Variants in ZNF766 observed in about 807,000 individuals in gnomAD.
The protein encoded by ZNF766 is zinc finger protein 766.
A neutral mutation model predicts 13.2 loss-of-function variants in ZNF766; 13 were observed. The observed-to-expected ratio is 0.98, with a 90% CI of 0.64 to 1.56. ZNF766 has a LOEUF of 1.56. Among genes scored for constraint, ZNF766 ranks in the 40% most tolerant of loss-of-function variants. The probability of loss-of-function intolerance (pLI) is 0.00; values close to 1 mark genes in which losing one functional copy is unlikely to be tolerated. For synonymous variants in ZNF766, 178 were observed against 187.6 expected (o/e 0.95, Z 0.42); for missense variants, 521 against 552.2 (o/e 0.94, Z 0.57).
Position 52,292,251 on chromosome 19 carries a change from C to T in ZNF766, c.*1053C>T. ...TTTCCTGGAGGAATAAGGACACTGC[C>T]TTTTCAGATTAAAGATTGTCTGATT... On this transcript the variant is annotated 3_prime_UTR_variant, in exon 4 of 4. Coordinates refer to ENST00000439461, the MANE Select transcript of ZNF766 (RefSeq NM_001010851.3). 5 of 692,370 alleles carry T rather than the reference C, an allele frequency of 7.2e-6. No individual in the cohort carries two copies. In the South Asian group the frequency reaches 7.6e-5, roughly 11 times the overall value. The allele number at this position is 692,370 out of a possible 1,614,324, so 42.9% of individuals were successfully genotyped here.
At position 52,290,636 on chromosome 19, in the gene ZNF766, G is replaced by A. The variant is rs766094251; in HGVS notation, c.845G>A (p.Arg282Gln). Residue 282 changes from arginine (R) to glutamine (Q), a missense_variant, in exon 4 of 4, where the codon CGA (arginine) becomes CAA (glutamine). Arg to Gln is a conservative substitution (Grantham distance 43). Transcript: ENST00000439461. ...KCNECGKVFS[R>Q]ITYLVRHQKI... ...AATGAGTGTGGCAAGGTCTTCAGTC[G>A]AATTACATACCTTGTACGACATCAG... 16 of 1,613,404 alleles carry A rather than the reference G, an allele frequency of 9.9e-6. No individual in the cohort carries two copies. The highest frequency in any genetic ancestry group is 2.7e-5 in the African/African-American group (2 of 74,874).
In ZNF766 at chr19:52,292,865, T is replaced by C. The variant is rs930701627; in HGVS notation, c.*1667T>C. On this transcript the variant is annotated 3_prime_UTR_variant, in exon 4 of 4. Transcript: ENST00000439461. ...AGTTCTAGTGTACATGTCCACAACATGCAGGTTTGTTACATAGGTATACAT... is the reference window on the plus strand; with the variant it reads ...AGTTCTAGTGTACATGTCCACAACACGCAGGTTTGTTACATAGGTATACAT... 4 of 152,210 alleles carry C rather than the reference T, an allele frequency of 2.6e-5. No individual in the cohort carries two copies. Among genetic ancestry groups the C allele is most frequent in the Non-Finnish European group, 5.9e-5 (4 of 68,044 alleles). 9.4% of individuals were successfully genotyped at this position (152,210 alleles called of 1,614,324 possible).
Position 52,292,306 on chromosome 19 carries a change from C to CA in ZNF766, c.*1112dup. 1.6e-6 allele frequency: 1 copy of CA among 644,852 alleles called. No individual in the cohort carries two copies. Among genetic ancestry groups the CA allele is most frequent in the Non-Finnish European group, 2.8e-6 (1 of 359,524 alleles). 39.9% of individuals were successfully genotyped at this position (644,852 alleles called of 1,614,324 possible). A position where few individuals can be genotyped will look rare whatever the true frequency, so the allele number is the denominator to read the frequency against. Reference sequence around the variant, plus strand: ...GACCATGGAGGTGGACAGAGAATAACAAAACCGTGATGGCAGTCATCATGC... The same window carrying CA: ...GACCATGGAGGTGGACAGAGAATAACAAAAACCGTGATGGCAGTCATCATGC... On this transcript the variant is annotated 3_prime_UTR_variant, in exon 4 of 4. Coordinates refer to ENST00000439461, the MANE Select transcript of ZNF766 (RefSeq NM_001010851.3).
At chr19:52,288,545 T>C (rs553553250) in intron 3 of ZNF766, among the ~76,000 whole-genome samples, 1 of 151,896 alleles carries the variant, frequency 6.6e-6, no homozygotes, top group African/African-American at 2.4e-5. Flanking sequence ...TTAAAACTAA[T>C]TTATTTTATT....
rs530669470 is a variant in ZNF766, at chr19:52,294,240, ATGT to A, written c.*3044_*3046del. The A allele has an allele frequency of 7.6e-4, 115 of 152,306 alleles. No individual in the cohort carries two copies. Among genetic ancestry groups the A allele is most frequent in the African/African-American group, 2.6e-3 (110 of 41,572 alleles). The allele number at this position is 152,306 out of a possible 1,614,324, so 9.4% of individuals were successfully genotyped here. A position where few individuals can be genotyped will look rare whatever the true frequency, so the allele number is the denominator to read the frequency against. On this transcript the variant is annotated 3_prime_UTR_variant, in exon 4 of 4. Transcript: ENST00000439461. The stretch of plus-strand genomic sequence containing the variant: ...TTTGAAAAAATATTAATGTTCAGAA[ATGT>A]TCTCTTGAGGATGAACACACAGATT...
intron 1 of ZNF766, chr19:52,281,797 A>G (rs913766884): frequency 1.9e-6 from 1 of 518,386 alleles, no homozygotes; most frequent in African/African-American, 1.9e-5. Flanking sequence ...TGTTCGACAC[A>G]CCAAGTGATA....
intron 1 of ZNF766, among the ~76,000 whole-genome samples, chr19:52,279,952 C>T (rs745349510): frequency 5.9e-5 from 9 of 151,634 alleles, no homozygotes; most frequent in African/African-American, 1.7e-4. Flanking sequence ...CCCGCCACCA[C>T]GCCTAGCTAA....
intron 1 of ZNF766, among the ~76,000 whole-genome samples, chr19:52,271,386 C>T (rs916241375): frequency 1.3e-5 from 2 of 151,970 alleles, no homozygotes; most frequent in South Asian, 2.1e-4. Flanking sequence ...GGTCAGTATG[C>T]GGAAAAACAC....
At chr19:52,276,494 TTTTTG>T (rs199834770) in intron 1 of ZNF766, among the ~76,000 whole-genome samples, 13 of 152,142 alleles carry the variant, frequency 8.5e-5, no homozygotes, top group East Asian at 3.8e-4. Context: ...ATAGTCTTCT[TTTTTG>T]TTTTGTTTTG....
At position 52,290,599 on chromosome 19, in the gene ZNF766, C is replaced by T; in HGVS notation, c.808C>T (p.Pro270Ser). 1.2e-6 allele frequency: 2 copies of T among 1,614,050 alleles called. No homozygotes were observed. The highest frequency in any genetic ancestry group is 1.1e-5 in the South Asian group (1 of 91,068). The change falls in exon 4 of 4, where the codon CCT becomes TCT. Residue 270 changes from proline (P) to serine (S), a missense_variant. Pro to Ser is a moderately conservative substitution (Grantham distance 74, BLOSUM62 -1). Coordinates refer to ENST00000439461, the MANE Select transcript of ZNF766 (RefSeq NM_001010851.3). ...RHEKVHTGES[P>S]YKCNECGKVF... Reference sequence around the variant, plus strand: ...CGAGAAAGTGCATACTGGAGAGAGTCCTTACAAATGTAATGAGTGTGGCAA... The same window carrying T: ...CGAGAAAGTGCATACTGGAGAGAGTTCTTACAAATGTAATGAGTGTGGCAA...
chr19:52,269,623 C>T lies in ZNF766; in HGVS notation c.10C>T (p.Leu4=), dbSNP rs758862079. Residue 4 remains leucine (L), a synonymous_variant, in exon 1 of 4, where the codon CTG becomes TTG. Transcript: ENST00000439461. MAQ[L]RRGHLTFRDV... ...TGGATGGCGTGGAGATATGGCGCAACTGCGGCGCGTGAGTTTTCCTTTGTT... is the reference window on the plus strand; with the variant it reads ...TGGATGGCGTGGAGATATGGCGCAATTGCGGCGCGTGAGTTTTCCTTTGTT... 4 of 1,612,996 alleles carry T rather than the reference C, an allele frequency of 2.5e-6. No individual in the cohort carries two copies. The South Asian group carries it at 4.4e-5, about 18-fold the overall frequency.
intron 1 of ZNF766, among the ~76,000 whole-genome samples, chr19:52,279,003 T>C (rs1300118309): frequency 2.6e-5 from 4 of 152,194 alleles, no homozygotes; most frequent in Non-Finnish European, 5.9e-5. Flanking sequence ...TTTTTATAGT[T>C]TGGGGTTTTA....
Position 52,290,922 on chromosome 19 carries a change from T to C in ZNF766, c.1131T>C (p.His377=), listed in dbSNP as rs748375044. ...CCCTGACAGTTCATCAGAGAAATCATAATGGAGAGAAACCTTATAAATGTC... is the reference window on the plus strand; with the variant it reads ...CCCTGACAGTTCATCAGAGAAATCACAATGGAGAGAAACCTTATAAATGTC... ...KFSLTVHQRN[H]NGEKPYKCHE... Residue 377 remains histidine (H), a synonymous_variant, in exon 4 of 4, where the codon CAT becomes CAC. Coordinates refer to ENST00000439461, the MANE Select transcript of ZNF766 (RefSeq NM_001010851.3). The C allele has an allele frequency of 3.1e-6, 5 of 1,614,046 alleles. No individual in the cohort carries two copies. In the Admixed American group the frequency reaches 5.0e-5, roughly 16 times the overall value.
In ZNF766 at chr19:52,294,641, C is replaced by T. The variant is rs1208088492; in HGVS notation, c.*3443C>T. On this transcript the variant is annotated 3_prime_UTR_variant, in exon 4 of 4. Transcript: ENST00000439461. ...GGGCACTGAGGATTTTTCAGTTGAC[C>T]AGATGGGCAGAATAGGAAGAGGGAG... 6.6e-6 allele frequency: 1 copy of T among 152,102 alleles called. No individual in the cohort carries two copies. Among genetic ancestry groups the T allele is most frequent in the Non-Finnish European group, 1.5e-5 (1 of 68,052 alleles). 9.4% of individuals were successfully genotyped at this position (152,102 alleles called of 1,614,324 possible).
At position 52,290,056 on chromosome 19, in the gene ZNF766, G is replaced by T. The variant is rs1982042741; in HGVS notation, c.275-10G>T. 2.5e-6 allele frequency: 4 copies of T among 1,583,512 alleles called. No individual in the cohort carries two copies. The highest frequency in any genetic ancestry group is 3.4e-6 in the Non-Finnish European group (4 of 1,166,432). ...TGGGTTCAAATTATACTCTTTACTT[G>T]CTTTCCTAGGGAGGAGCTGTGCAGT... On this transcript the variant is annotated splice_polypyrimidine_tract_variant and intron_variant, in intron 3 of 3. Coordinates refer to ENST00000439461, the MANE Select transcript of ZNF766 (RefSeq NM_001010851.3).
intron 1 of ZNF766, among the ~76,000 whole-genome samples, chr19:52,270,104 A>G (rs1303638230): frequency 6.6e-6 from 1 of 152,090 alleles, no homozygotes; most frequent in East Asian, 1.9e-4. Context: ...GCCTTTTCGC[A>G]GTCACGGCTT....
chr19:52,269,719 G>T (rs1370576705), intron 1 of ZNF766, 88 bp downstream of exon 1: 32 of 1,517,474 alleles, frequency 2.1e-5, no homozygotes, highest in East Asian at 1.4e-4. Context: ...TACAGACCTT[G>T]AAATCCCCGC....
intron 3 of ZNF766, among the ~76,000 whole-genome samples, chr19:52,287,365 A>G (rs1347030142): frequency 7.1e-6 from 1 of 140,220 alleles, no homozygotes. Context: ...CTGGTCTTGA[A>G]CTCTTGACCT....
intron 3 of ZNF766, among the ~76,000 whole-genome samples, chr19:52,286,542 C>T (rs8100504): frequency 0.085 from 12,969 of 152,150 alleles, 1,220 homozygotes; most frequent in African/African-American, 0.23. Flanking sequence ...TTCCAAAGTG[C>T]TAGGATTACA....
Sources: allele counts gnomAD v4.1 joint callset (sites outside exome capture counted in the v4.1 genomes callset), GRCh38; gene constraint gnomAD v4.1.1; transcripts MANE v1.5; gene names NCBI Gene and HGNC (gene_info 2026-07-23, HGNC 2026-07-21).